The following GIGYF2 variants were observed in gnomAD, a reference collection of about 807,000 sequenced individuals.
GIGYF2 encodes the protein GRB10-interacting GYF protein 2.
GIGYF2 carries 25 observed loss-of-function variants against 208.1 expected under a neutral mutation model. That is an observed-to-expected ratio of 0.12 (90% CI 0.09 to 0.17). GIGYF2 has a LOEUF of 0.17. GIGYF2 is among the 10% of genes least tolerant of loss of function. GIGYF2 has a pLI of 1.00. For synonymous variants in GIGYF2, 534 were observed against 543.8 expected, an observed-to-expected ratio of 0.98 and a Z score of 0.25; for missense variants, 1,302 against 1,579.4, an observed-to-expected ratio of 0.82 and a Z score of 2.98.
Position 232,836,294 on chromosome 2 carries a change from AT to A in GIGYF2, c.2766+3202del, listed in dbSNP as rs1559160394. On this transcript the variant is annotated intron_variant, in intron 22 of 28. Transcript: ENST00000373563. Reference sequence around the variant, plus strand: ...TATATATATATATATATATATATATATATATATATATATATATATATATATA... The same window carrying A: ...TATATATATATATATATATATATATAATATATATATATATATATATATATA... Among the ~76,000 whole-genome samples, 101 of 25,580 alleles carry A rather than the reference AT, an allele frequency of 3.9e-3. 13 individuals carry two copies. Among genetic ancestry groups the A allele is most frequent in the African/African-American group, 0.015 (89 of 5,832 alleles). 16.8% of individuals were successfully genotyped at this position (25,580 alleles called of 152,430 possible).
intron 21 of GIGYF2, among the ~76,000 whole-genome samples, chr2:232,826,234 G>A (rs545615668): frequency 1.3e-5 from 2 of 152,200 alleles, no homozygotes; most frequent in South Asian, 4.2e-4. Context: ...GGGATCGCTG[G>A]GTCAAATAGT....
At chr2:232,849,121 AAATTGAAGG>A in intron 27 of GIGYF2, among the ~76,000 whole-genome samples, 1 of 152,310 alleles carries the variant, frequency 6.6e-6, no homozygotes, top group East Asian at 1.9e-4. Flanking sequence ...TAACAGGCAT[AAATTGAAGG>A]AAAAGTGAAA....
At chr2:232,797,827 G>A (rs529059624) in intron 14 of GIGYF2, among the ~76,000 whole-genome samples, 2 of 151,622 alleles carry the variant, frequency 1.3e-5, no homozygotes, top group East Asian at 3.9e-4. Flanking sequence ...CTAAAAATAC[G>A]AAAATTAGCT....
intron 20 of GIGYF2, 103 bp from the exon 21 acceptor site, chr2:232,819,724 T>C: frequency 1.4e-6 from 1 of 705,898 alleles, no homozygotes; most frequent in Non-Finnish European, 2.6e-6. Flanking sequence ...TTTAACAGAG[T>C]CTTAGCAGCA....
chr2:232,797,005 C>T (rs1190283757), intron 14 of GIGYF2, among the ~76,000 whole-genome samples: 1 of 151,920 alleles, frequency 6.6e-6, no homozygotes, highest in Non-Finnish European at 1.5e-5. Flanking sequence ...AGGCAGGTAG[C>T]CTACTCACCT....
In GIGYF2 at chr2:232,860,174, T is replaced by G. The variant is rs1690721591; in HGVS notation, c.*3314T>G. The G allele has an allele frequency of 6.6e-6, 1 of 152,148 alleles. No individual in the cohort carries two copies. Among genetic ancestry groups the G allele is most frequent in the Admixed American group, 6.5e-5 (1 of 15,282 alleles). The allele number at this position is 152,148 out of a possible 1,614,324, so 9.4% of individuals were successfully genotyped here. On this transcript the variant is annotated 3_prime_UTR_variant, in exon 29 of 29. Transcript: ENST00000373563. ...AGTTGAGGGTTTTTGTTTTTGTTTT[T>G]GTATTGGAGATGGGTTCTTACTATG...
In GIGYF2 at chr2:232,794,782, G is replaced by C. The variant is rs146944691; in HGVS notation, c.1317G>C (p.Gln439His). ...MVADVQQPLS[Q>H]IPSDTASPLL... ...CTGATGTCCAGCAGCCCCTGTCGCA[G>C]ATTCCTTCAGATACAGCCTCTCCTC... is the stretch of plus-strand genomic sequence containing the variant. Residue 439 changes from glutamine (Q) to histidine (H), a missense_variant, in exon 13 of 29, where the codon CAG becomes CAC. Gln to His is a conservative substitution (Grantham distance 24). Around this residue, in one of 8 missense-constraint regions of GIGYF2, gnomAD observed 235 missense variants for 218.8 expected, o/e 1.07. Transcript: ENST00000373563. 2.3e-4 allele frequency: 378 copies of C among 1,613,736 alleles called. No homozygotes were observed. The highest frequency in any genetic ancestry group is 3.0e-4 in the Non-Finnish European group (359 of 1,179,842).
In GIGYF2 at chr2:232,844,481, C is replaced by G. The variant is rs767094902; in HGVS notation, c.3212C>G (p.Thr1071Ser). ...AGTAGTATTTGGAGTAATGCTGACACTAAAAACTCCAACATGGGATTCTGG... is the reference window on the plus strand; with the variant it reads ...AGTAGTATTTGGAGTAATGCTGACAGTAAAAACTCCAACATGGGATTCTGG... ...LVSSIWSNAD[T>S]KNSNMGFWDD... The change falls in exon 25 of 29, where the codon ACT becomes AGT. Residue 1071 changes from threonine (T) to serine (S), a missense_variant. Around this residue, in one of 8 missense-constraint regions of GIGYF2, gnomAD observed 701 missense variants for 793.0 expected, o/e 0.88. Transcript: ENST00000373563. The G allele has an allele frequency of 6.2e-7, 1 of 1,612,276 alleles. No homozygotes were observed. The highest frequency in any genetic ancestry group is 2.2e-5 in the East Asian group (1 of 44,882).
At chr2:232,785,492 A>T (rs1049204411) in intron 8 of GIGYF2, among the ~76,000 whole-genome samples, 2 of 152,180 alleles carry the variant, frequency 1.3e-5, no homozygotes, top group African/African-American at 4.8e-5. Context: ...ACTACATGGC[A>T]ACTAGTGTCC....
At chr2:232,812,314 T>A (rs1376633002) in intron 17 of GIGYF2, 77 bp from the exon 18 acceptor site, 9 of 733,054 alleles carry the variant, frequency 1.2e-5, no homozygotes, top group East Asian at 2.6e-5. Context: ...CCTGCTAATC[T>A]AGAAATTCCT....
intron 1 of GIGYF2, chr2:232,698,271 A>G (rs1284680665): frequency 6.6e-6 from 1 of 152,210 alleles, no homozygotes; most frequent in African/African-American, 2.4e-5. Flanking sequence ...CCTGCAAGTC[A>G]AAGCACTTAA....
chr2:232,816,244 G>A (rs1372386698), intron 19 of GIGYF2, among the ~76,000 whole-genome samples: 1 of 152,150 alleles, frequency 6.6e-6, no homozygotes, highest in Non-Finnish European at 1.5e-5. Flanking sequence ...GTACTTGCCA[G>A]AAAAGAATGT....
At chr2:232,792,256 A>T (rs1700091051) in intron 12 of GIGYF2, among the ~76,000 whole-genome samples, 1 of 152,062 alleles carries the variant, frequency 6.6e-6, no homozygotes, top group Non-Finnish European at 1.5e-5. Flanking sequence ...CTTCCACCCA[A>T]AGCCCCCAAA....
chr2:232,849,726 G>A (rs897930553), intron 27 of GIGYF2, among the ~76,000 whole-genome samples: 5 of 152,192 alleles, frequency 3.3e-5, no homozygotes, highest in Admixed American at 2.0e-4. Context: ...AGGGCTAGTA[G>A]GCAATTTCAT....
Position 232,847,514 on chromosome 2 carries a change from G to GCC in GIGYF2, c.3628_3629dup (p.Gln1211HisfsTer25). ...ACCAGCAGCGTCAGCAGCAGCAGCT[G>GCC]CCACAGCAGCAGCAGCAGCAGCCGC... On this transcript the variant is annotated frameshift_variant, in exon 27 of 29. Transcript: ENST00000373563. LOFTEE classifies it high-confidence loss of function. 2 of 1,376,576 alleles carry GCC rather than the reference G, an allele frequency of 1.5e-6. No individual in the cohort carries two copies. The highest frequency in any genetic ancestry group is 2.4e-5 in the South Asian group (2 of 84,756). The allele number at this position is 1,376,576 out of a possible 1,614,324, so 85.3% of individuals were successfully genotyped here.
chr2:232,819,888 A>C lies in GIGYF2; in HGVS notation c.2432A>C (p.Glu811Ala), dbSNP rs757005602. The C allele has an allele frequency of 3.8e-6, 6 of 1,597,054 alleles. No homozygotes were observed. In the East Asian group the frequency reaches 1.3e-4, roughly 36 times the overall value. The change falls in exon 21 of 29, where the codon GAA becomes GCA. Residue 811 changes from glutamate (E) to alanine (A), a missense_variant. Glu to Ala is a moderately radical substitution (Grantham distance 107). Transcript: ENST00000373563. ...EIALRRQREE[E>A]ERQQQEEALR... Reference sequence around the variant, plus strand: ...GCATTAAGGCGACAGCGAGAAGAGGAAGAAAGACAGCAGCAAGAAGAAGCT... The same window carrying C: ...GCATTAAGGCGACAGCGAGAAGAGGCAGAAAGACAGCAGCAAGAAGAAGCT...
chr2:232,847,692 A>T, intron 27 of GIGYF2, 121 bp downstream of exon 27: 3 of 1,343,972 alleles, frequency 2.2e-6, no homozygotes, highest in Non-Finnish European at 3.1e-6. Context: ...ACCATGCTTT[A>T]AAAAATGTGT....
chr2:232,819,580 G>A (rs1218769746), intron 20 of GIGYF2, among the ~76,000 whole-genome samples: 1 of 152,000 alleles, frequency 6.6e-6, no homozygotes, highest in Non-Finnish European at 1.5e-5. Flanking sequence ...TAGAAACCAG[G>A]GTAGACTTCA....
chr2:232,741,420 T>C (rs1487381677), intron 3 of GIGYF2, among the ~76,000 whole-genome samples: 5 of 152,044 alleles, frequency 3.3e-5, no homozygotes, highest in Non-Finnish European at 7.4e-5. Flanking sequence ...GGCCTACTGA[T>C]GTTTCCTGGC....
Sources: gnomAD v4.1 joint callset for allele counts (sites outside exome capture counted in the v4.1 genomes callset) on GRCh38, gnomAD v4.1.1 for gene constraint, gnomAD v4.1.1 regional missense constraint, MANE v1.5 for transcripts, NCBI Gene and HGNC (gene_info 2026-07-23, HGNC 2026-07-21) for gene names.